SLCO5A1: variants seen among roughly 807,000 people sequenced by gnomAD.
The protein encoded by SLCO5A1 is organic anion transporter polypeptide-related protein 4.
A neutral mutation model predicts 65.1 loss-of-function variants in SLCO5A1; 39 were observed. The ratio of observed to expected loss-of-function variants is 0.60; its 90% CI spans 0.46 to 0.78. The LOEUF (loss-of-function observed/expected upper bound fraction) is 0.78. Among genes scored for constraint, SLCO5A1 ranks in the 30% least tolerant of loss-of-function variants. The pLI is 0.00. For missense variants in SLCO5A1, 1,029 were observed against 1,069.4 expected (o/e 0.96, Z 0.53); for synonymous variants, 438 against 415.7 (o/e 1.05, Z -0.65).
chr8:69,824,479 T>C (rs1820783142), intron 2 of SLCO5A1, among the ~76,000 whole-genome samples: 1 of 152,038 alleles, frequency 6.6e-6, no homozygotes, highest in South Asian at 2.1e-4. Flanking sequence ...CAAACTACCA[T>C]CAGAGAATAC....
intron 3 of SLCO5A1, among the ~76,000 whole-genome samples, chr8:69,758,192 A>AT (rs1057213882): frequency 2.6e-5 from 4 of 151,686 alleles, no homozygotes; most frequent in Non-Finnish European, 4.4e-5. Flanking sequence ...ATTTATCTTG[A>AT]TTTTTTTCTT....
At chr8:69,791,307 T>A (rs4300015) in intron 2 of SLCO5A1, among the ~76,000 whole-genome samples, 3,167 of 152,248 alleles carry the variant, frequency 0.021, 102 homozygotes, top group African/African-American at 0.072. Flanking sequence ...CCCAGCATGA[T>A]CGCTCTGCAG....
At chr8:69,735,764 T>C (rs556386314) in intron 5 of SLCO5A1, among the ~76,000 whole-genome samples, 2 of 152,322 alleles carry the variant, frequency 1.3e-5, no homozygotes, top group South Asian at 4.1e-4. Context: ...CAAACCACCA[T>C]GGCACACGTT....
At chr8:69,793,983 A>G (rs533527361) in intron 2 of SLCO5A1, 98 of 169,104 alleles carry the variant, frequency 5.8e-4, no homozygotes, top group Non-Finnish European at 9.1e-4. Context: ...CTATCCCTTT[A>G]TGCAGATGGA....
intron 2 of SLCO5A1, among the ~76,000 whole-genome samples, chr8:69,769,806 G>A (rs1047844347): frequency 2.0e-5 from 3 of 152,106 alleles, no homozygotes; most frequent in African/African-American, 7.2e-5. Context: ...TCTTTCTGGA[G>A]TTGAACACGT....
intron 4 of SLCO5A1, among the ~76,000 whole-genome samples, chr8:69,748,349 C>A (rs1817133938): frequency 6.6e-6 from 1 of 152,214 alleles, no homozygotes; most frequent in African/African-American, 2.4e-5. Context: ...AGTCACCCCA[C>A]AGTTATTTTG....
chr8:69,732,119 C>T (rs1323969783), intron 5 of SLCO5A1, among the ~76,000 whole-genome samples: 2 of 152,180 alleles, frequency 1.3e-5, no homozygotes, highest in Non-Finnish European at 2.9e-5. Flanking sequence ...CCAAAGGCTG[C>T]AATTTAAGTT....
intron 2 of SLCO5A1, among the ~76,000 whole-genome samples, chr8:69,799,375 G>A (rs913285636): frequency 2.0e-5 from 3 of 152,228 alleles, no homozygotes; most frequent in East Asian, 3.9e-4. Flanking sequence ...CAACTCTGTG[G>A]TCTTGTTAGA....
intron 4 of SLCO5A1, among the ~76,000 whole-genome samples, chr8:69,751,548 T>C (rs1817300183): frequency 7.2e-6 from 1 of 139,694 alleles, no homozygotes; most frequent in Admixed American, 7.2e-5. Context: ...AATAATTTTC[T>C]TTTTTTTTTT....
chr8:69,727,893 G>C (rs1329124589), intron 5 of SLCO5A1, among the ~76,000 whole-genome samples: 2 of 152,220 alleles, frequency 1.3e-5, no homozygotes, highest in African/African-American at 4.8e-5. Context: ...TCTGGAATCA[G>C]CTTCTCTGCC....
intron 2 of SLCO5A1, among the ~76,000 whole-genome samples, chr8:69,817,797 T>C (rs1310632013): frequency 1.3e-5 from 2 of 152,206 alleles, no homozygotes; most frequent in Non-Finnish European, 2.9e-5. Context: ...ATTTTCAATA[T>C]AGATCTTACA....
chr8:69,796,249 T>G (rs1003705496), intron 2 of SLCO5A1, among the ~76,000 whole-genome samples: 2 of 145,850 alleles, frequency 1.4e-5, no homozygotes, highest in South Asian at 2.4e-4. Flanking sequence ...TGAGAGTTGG[T>G]TTTTTTTTTT....
chr8:69,806,423 G>A (rs1216078845), intron 2 of SLCO5A1, among the ~76,000 whole-genome samples: 1 of 152,196 alleles, frequency 6.6e-6, no homozygotes, highest in Non-Finnish European at 1.5e-5. Context: ...GCTAGGACCC[G>A]GCATTTAACA....
chr8:69,723,133 T>G lies in SLCO5A1; in HGVS notation c.1423+14907A>C, dbSNP rs182500415. Among the ~76,000 whole-genome samples the G allele has an allele frequency of 2.3e-3, 343 of 152,238 alleles. 6 individuals are homozygous for G. Among genetic ancestry groups the G allele is most frequent in the Admixed American group, 0.019 (285 of 15,304 alleles). ...AGCTATATTGAAGTATTTGTAAAGA[T>G]GTATTTGTTTTGCATAACATTAAAA... is the stretch of plus-strand genomic sequence containing the variant. On this transcript the variant is annotated intron_variant, in intron 5 of 9. Coordinates refer to ENST00000260126, the MANE Select transcript of SLCO5A1 (RefSeq NM_030958.3).
intron 4 of SLCO5A1, among the ~76,000 whole-genome samples, chr8:69,744,466 C>A (rs1816938853): frequency 6.6e-6 from 1 of 152,250 alleles, no homozygotes. Context: ...CTGTAGGAAG[C>A]ATCCACAGCT....
intron 4 of SLCO5A1, among the ~76,000 whole-genome samples, chr8:69,739,533 A>T (rs187073620): frequency 2.2e-4 from 33 of 152,290 alleles, no homozygotes; most frequent in Non-Finnish European, 3.2e-4. Context: ...CTCTTTCAAC[A>T]TAATAAAGTC....
rs1813285433 is a variant in SLCO5A1 at position 69,670,028 on chromosome 8, G to A, written c.*2841C>T. ...TTCAAGAATTAAATCCACCTATAAA[G>A]AATAAGGACTTAATGCTAATGAAAA... On this transcript the variant is annotated 3_prime_UTR_variant, in exon 10 of 10. Coordinates refer to ENST00000260126, the MANE Select transcript of SLCO5A1 (RefSeq NM_030958.3). 6.6e-6 allele frequency: 1 copy of A among 152,042 alleles called. No individual in the cohort carries two copies. The highest frequency in any genetic ancestry group is 1.5e-5 in the Non-Finnish European group (1 of 68,014). 9.4% of individuals were successfully genotyped at this position (152,042 alleles called of 1,614,324 possible). A position where few individuals can be genotyped will look rare whatever the true frequency, so the allele number is the denominator to read the frequency against.
chr8:69,814,342 A>G (rs1464900540), intron 2 of SLCO5A1, among the ~76,000 whole-genome samples: 8 of 152,216 alleles, frequency 5.3e-5, no homozygotes, highest in Non-Finnish European at 1.5e-5. Flanking sequence ...CAAAAAATTC[A>G]ATTAAAAAAT....
intron 5 of SLCO5A1, among the ~76,000 whole-genome samples, chr8:69,731,972 T>C (rs1243848556): frequency 6.6e-6 from 1 of 152,232 alleles, no homozygotes; most frequent in African/African-American, 2.4e-5. Context: ...GAAAAATCTG[T>C]GTATACATTT....
Sources: gnomAD v4.1 joint callset for allele counts (sites outside exome capture counted in the v4.1 genomes callset) on GRCh38, gnomAD v4.1.1 for gene constraint, MANE v1.5 for transcripts, NCBI Gene and HGNC (gene_info 2026-07-23, HGNC 2026-07-21) for gene names.